The following SETBP1 variants were observed in gnomAD, a reference collection of about 807,000 sequenced individuals.
SETBP1 encodes SET-binding protein.
SETBP1 carries 9 observed loss-of-function variants against 101.0 expected under a neutral mutation model. That is an observed-to-expected ratio of 0.09 (90% CI 0.05 to 0.16). The LOEUF (loss-of-function observed/expected upper bound fraction) is 0.16, where lower values mean the gene tolerates loss of function less well. Ranked by LOEUF, SETBP1 falls within the 10% of genes least tolerant of loss-of-function variation. The pLI is 1.00. For synonymous variants in SETBP1, 818 were observed against 788.5 expected (o/e 1.04, Z -0.63); for missense variants, 1,858 against 2,033.8 (o/e 0.91, Z 1.66).
rs2073958129 is a variant in SETBP1, at chr18:45,065,781, G to A, written c.*2083G>A. On this transcript the variant is annotated 3_prime_UTR_variant, in exon 6 of 6. Coordinates refer to ENST00000649279, the MANE Select transcript of SETBP1 (RefSeq NM_015559.3). ...TCCTAGATACTCAGTTTGTGACCTTGGTTGACCTTTGGCATTTCACGCAAG... is the reference window on the plus strand; with the variant it reads ...TCCTAGATACTCAGTTTGTGACCTTAGTTGACCTTTGGCATTTCACGCAAG... 1 of 152,114 alleles carries A rather than the reference G, an allele frequency of 6.6e-6. No homozygotes were observed. The highest frequency in any genetic ancestry group is 2.4e-5 in the African/African-American group (1 of 41,406). The allele number at this position is 152,114 out of a possible 1,614,324, so 9.4% of individuals were successfully genotyped here.
At chr18:44,724,249 A>G (rs1156737460) in intron 2 of SETBP1, among the ~76,000 whole-genome samples, 2 of 152,202 alleles carry the variant, frequency 1.3e-5, no homozygotes, top group African/African-American at 2.4e-5. Flanking sequence ...GAAGCAAATT[A>G]TCTTGTGGTT....
At chr18:44,985,238 G>C (rs936350619) in intron 4 of SETBP1, among the ~76,000 whole-genome samples, 3 of 152,070 alleles carry the variant, frequency 2.0e-5, no homozygotes, top group African/African-American at 7.2e-5. Context: ...TGCTAAAATT[G>C]ACAAGAAAGT....
At chr18:45,005,998 G>A (rs2072718470) in intron 4 of SETBP1, among the ~76,000 whole-genome samples, 1 of 130,416 alleles carries the variant, frequency 7.7e-6, no homozygotes, top group Admixed American at 9.0e-5. Flanking sequence ...CTGTTGCCCA[G>A]GCTGGAGTGC....
At position 45,068,354 on chromosome 18, in the gene SETBP1, T is replaced by C. The variant is rs1024270711; in HGVS notation, c.*4656T>C. ...TCATGCTCCTCCATGGTCTTAGATG[T>C]TGGGTTTTAAACATTTTTTTCTAAA... On this transcript the variant is annotated 3_prime_UTR_variant, in exon 6 of 6. Coordinates refer to ENST00000649279, the MANE Select transcript of SETBP1 (RefSeq NM_015559.3). The C allele has an allele frequency of 1.3e-5, 2 of 152,148 alleles. No individual in the cohort carries two copies. Among genetic ancestry groups the C allele is most frequent in the African/African-American group, 4.8e-5 (2 of 41,422 alleles). The allele number at this position is 152,148 out of a possible 1,614,324, so 9.4% of individuals were successfully genotyped here. A position where few individuals can be genotyped will look rare whatever the true frequency, so the allele number is the denominator to read the frequency against.
intron 2 of SETBP1, among the ~76,000 whole-genome samples, chr18:44,737,869 A>G (rs1359175022): frequency 6.6e-6 from 1 of 152,236 alleles, no homozygotes; most frequent in East Asian, 1.9e-4. Context: ...AACTGACGTC[A>G]GCAGGGAGAC....
chr18:44,782,571 G>C (rs1457180383), intron 2 of SETBP1, among the ~76,000 whole-genome samples: 1 of 152,128 alleles, frequency 6.6e-6, no homozygotes, highest in African/African-American at 2.4e-5. Context: ...GGGGTGTGTT[G>C]TTTTTCCCCC....
intron 3 of SETBP1, among the ~76,000 whole-genome samples, chr18:44,913,141 CA>C (rs1276865827): frequency 6.6e-6 from 1 of 152,198 alleles, no homozygotes; most frequent in Non-Finnish European, 1.5e-5. Flanking sequence ...AGCAGATTAC[CA>C]GGGGAATTTT....
At position 45,038,564 on chromosome 18, in the gene SETBP1, C is replaced by A; in HGVS notation, c.4080C>A (p.Thr1360=). The A allele has an allele frequency of 1.9e-6, 3 of 1,614,096 alleles. No individual in the cohort carries two copies. Among genetic ancestry groups the A allele is most frequent in the Non-Finnish European group, 2.5e-6 (3 of 1,180,014 alleles). Residue 1360 remains threonine, a synonymous_variant, in exon 5 of 6, where the codon ACC becomes ACA. Coordinates refer to ENST00000649279, the MANE Select transcript of SETBP1 (RefSeq NM_015559.3). ...KNEGSVPTMM[T]RKKPAAVDSV... ...AAGGCTCAGTGCCCACCATGATGAC[C>A]AGGAAGAAGCCAGCCGCAGTTGACA...
chr18:44,836,032 G>T (rs1015480630), intron 2 of SETBP1, among the ~76,000 whole-genome samples: 1 of 152,118 alleles, frequency 6.6e-6, no homozygotes, highest in Non-Finnish European at 1.5e-5. Flanking sequence ...GAAGCATTTG[G>T]CCACGGACAA....
At chr18:44,695,591 G>C (rs1344455127) in intron 1 of SETBP1, among the ~76,000 whole-genome samples, 1 of 152,198 alleles carries the variant, frequency 6.6e-6, no homozygotes, top group Non-Finnish European at 1.5e-5. Context: ...GAAGATGAAA[G>C]AAATGCCTTG....
At chr18:44,910,404 C>A (rs756705032) in intron 3 of SETBP1, among the ~76,000 whole-genome samples, 6 of 152,144 alleles carry the variant, frequency 3.9e-5, no homozygotes, top group Non-Finnish European at 7.3e-5. Context: ...TCTGGATTGA[C>A]CTGATTTTCC....
chr18:44,885,145 T>C (rs2069612154), intron 3 of SETBP1, among the ~76,000 whole-genome samples: 1 of 152,174 alleles, frequency 6.6e-6, no homozygotes, highest in Non-Finnish European at 1.5e-5. Flanking sequence ...AGACCTGAAG[T>C]TGTCATTACC....
chr18:44,993,485 T>C (rs1477166366), intron 4 of SETBP1, among the ~76,000 whole-genome samples: 1 of 152,058 alleles, frequency 6.6e-6, no homozygotes, highest in Non-Finnish European at 1.5e-5. Context: ...CCTTTTGATA[T>C]ATTTTTCTAC....
intron 3 of SETBP1, among the ~76,000 whole-genome samples, chr18:44,914,425 T>C (rs118010656): frequency 2.6e-5 from 4 of 152,356 alleles, no homozygotes; most frequent in East Asian, 3.9e-4. Context: ...ACATCAAAGA[T>C]TGAAGTTTTA....
chr18:45,053,234 A>G (rs1483149167), intron 5 of SETBP1, among the ~76,000 whole-genome samples: 1 of 152,184 alleles, frequency 6.6e-6, no homozygotes, highest in Non-Finnish European at 1.5e-5. Context: ...TAACCACTTC[A>G]TATCTAGAAA....
chr18:44,714,133 G>T (rs2069407638), intron 2 of SETBP1, among the ~76,000 whole-genome samples: 1 of 152,100 alleles, frequency 6.6e-6, no homozygotes, highest in Non-Finnish European at 1.5e-5. Context: ...GACAGGAATT[G>T]TATCTTTTAA....
intron 2 of SETBP1, among the ~76,000 whole-genome samples, chr18:44,828,166 C>G (rs1367760970): frequency 6.6e-6 from 1 of 151,988 alleles, no homozygotes; most frequent in Non-Finnish European, 1.5e-5. Context: ...CTTCAAGTCA[C>G]TGGTTTAAAA....
intron 5 of SETBP1, among the ~76,000 whole-genome samples, chr18:45,039,249 A>C (rs2145498181): frequency 6.6e-6 from 1 of 152,300 alleles, no homozygotes; most frequent in African/African-American, 2.4e-5. Flanking sequence ...ACAGTGGATA[A>C]AATATAAATG....
intron 2 of SETBP1, among the ~76,000 whole-genome samples, chr18:44,785,314 C>G (rs1004208387): frequency 5.3e-5 from 8 of 152,108 alleles, no homozygotes; most frequent in African/African-American, 1.9e-4. Flanking sequence ...TGGCTGTTCC[C>G]TCTAAGTTCA....
Sources: allele counts gnomAD v4.1 joint callset (sites outside exome capture counted in the v4.1 genomes callset), GRCh38; gene constraint gnomAD v4.1.1; transcripts MANE v1.5; gene names NCBI Gene and HGNC (gene_info 2026-07-23, HGNC 2026-07-21).